Variants in ADCY8 observed in about 807,000 individuals in gnomAD.
ADCY8 encodes adenylate cyclase 8.
ADCY8 carries 51 observed loss-of-function variants against 119.7 expected under a neutral mutation model. The ratio of observed to expected loss-of-function variants is 0.43; its 90% CI spans 0.34 to 0.54. The LOEUF (loss-of-function observed/expected upper bound fraction) is 0.54. Ranked by LOEUF, ADCY8 falls within the 20% of genes least tolerant of loss-of-function variation. The probability of loss-of-function intolerance (pLI) is 0.03; values close to 1 mark genes in which losing one functional copy is unlikely to be tolerated. For synonymous variants in ADCY8, 665 were observed against 651.0 expected (o/e 1.02, Z -0.33); for missense variants, 1,383 against 1,598.8 (o/e 0.87, Z 2.30).
At chr8:130,901,752 C>T (rs1819610334) in intron 7 of ADCY8, among the ~76,000 whole-genome samples, 1 of 152,168 alleles carries the variant, frequency 6.6e-6, no homozygotes, top group Admixed American at 6.5e-5. Flanking sequence ...CATTCACTTG[C>T]TCTTCAGTCT....
At chr8:130,943,004 T>G (rs56158029) in intron 4 of ADCY8, among the ~76,000 whole-genome samples, 12,670 of 152,196 alleles carry the variant, frequency 0.083, 1,753 homozygotes, top group African/African-American at 0.29. Context: ...CTGCAGGCCA[T>G]CATTACTGCA....
intron 1 of ADCY8, among the ~76,000 whole-genome samples, chr8:131,005,778 T>A (rs994294979): frequency 6.6e-6 from 1 of 152,106 alleles, no homozygotes; most frequent in African/African-American, 2.4e-5. Flanking sequence ...GGTGATACCA[T>A]CCCTCCCCTT....
At chr8:131,011,705 G>T (rs1484687540) in intron 1 of ADCY8, among the ~76,000 whole-genome samples, 1 of 152,168 alleles carries the variant, frequency 6.6e-6, no homozygotes, top group African/African-American at 2.4e-5. Flanking sequence ...GTTCCTCCAG[G>T]TGTTGTGTCG....
At chr8:130,843,689 T>C (rs925345948) in intron 11 of ADCY8, among the ~76,000 whole-genome samples, 1 of 152,186 alleles carries the variant, frequency 6.6e-6, no homozygotes, top group Non-Finnish European at 1.5e-5. Flanking sequence ...ATTGGAAGAA[T>C]GCTTCCTTTC....
intron 7 of ADCY8, among the ~76,000 whole-genome samples, chr8:130,896,141 C>T (rs1470378361): frequency 6.6e-6 from 1 of 152,022 alleles, no homozygotes; most frequent in African/African-American, 2.4e-5. Context: ...ATCAATTTTC[C>T]CTCATCTACT....
chr8:130,937,155 A>G lies in ADCY8; in HGVS notation c.1399T>C (p.Cys467Arg). ...RIKILGDCYY[C>R]VSGLPEPRQD... Reference sequence around the variant, plus strand: ...CGGGGCTCAGGAAGTCCAGACACGCAGTAGTAGCAGTCCCCCAGGATTTTA... The same window carrying G: ...CGGGGCTCAGGAAGTCCAGACACGCGGTAGTAGCAGTCCCCCAGGATTTTA... Residue 467 changes from cysteine (C) to arginine (R), a missense_variant, in exon 5 of 18, where the codon TGC becomes CGC. By Grantham distance (180) the Cys-to-Arg change is radical (BLOSUM62 -3). Transcript: ENST00000286355. 1.2e-6 allele frequency: 2 copies of G among 1,613,848 alleles called. No homozygotes were observed. The highest frequency in any genetic ancestry group is 1.7e-6 in the Non-Finnish European group (2 of 1,179,860).
At position 130,948,938 on chromosome 8, in the gene ADCY8, C is replaced by T. The variant is rs370586965; in HGVS notation, c.1241+2930G>A. The stretch of plus-strand genomic sequence containing the variant: ...GCTGAGTTCATCTTCCCGAAACCCC[C>T]GGAGCCGCGGGCATCTCACCACGCT... On this transcript the variant is annotated intron_variant, in intron 3 of 17. Coordinates refer to ENST00000286355, the MANE Select transcript of ADCY8 (RefSeq NM_001115.3). Among the ~76,000 whole-genome samples, 13 of 152,120 alleles carry T rather than the reference C, an allele frequency of 8.5e-5. 1 individual carries two copies. The East Asian group carries it at 1.5e-3, about 18-fold the overall frequency.
chr8:131,023,236 C>T (rs964193726), intron 1 of ADCY8, among the ~76,000 whole-genome samples: 3 of 152,212 alleles, frequency 2.0e-5, no homozygotes, highest in African/African-American at 4.8e-5. Flanking sequence ...GCCTAAGCTA[C>T]TCTGAAACAA....
intron 7 of ADCY8, among the ~76,000 whole-genome samples, chr8:130,903,453 C>A (rs1819668246): frequency 7.7e-6 from 1 of 130,312 alleles, no homozygotes. Flanking sequence ...TTATTTTTTC[C>A]AACATGAGTG....
chr8:130,852,837 A>G (rs1817580268), intron 9 of ADCY8, among the ~76,000 whole-genome samples: 1 of 151,980 alleles, frequency 6.6e-6, no homozygotes, highest in South Asian at 2.1e-4. Flanking sequence ...GGCACTTAAC[A>G]TGGTGTGTCC....
At chr8:131,030,586 C>T (rs192604609) in intron 1 of ADCY8, among the ~76,000 whole-genome samples, 4 of 152,262 alleles carry the variant, frequency 2.6e-5, no homozygotes, top group African/African-American at 9.6e-5. Context: ...TGTGAACCTC[C>T]AGCCAAACCT....
chr8:130,874,950 A>G (rs1468105079), intron 8 of ADCY8, among the ~76,000 whole-genome samples: 1 of 152,056 alleles, frequency 6.6e-6, no homozygotes, highest in Non-Finnish European at 1.5e-5. Context: ...GATGATAATG[A>G]TGTCTACCCA....
chr8:130,956,677 C>G (rs751211392), intron 2 of ADCY8, among the ~76,000 whole-genome samples: 1 of 152,160 alleles, frequency 6.6e-6, no homozygotes, highest in Non-Finnish European at 1.5e-5. Flanking sequence ...AATTGTACTC[C>G]CATAATTCTC....
At chr8:131,003,621 T>TCCAACAGCAAC (rs111385550) in intron 1 of ADCY8, among the ~76,000 whole-genome samples, 10 of 151,520 alleles carry the variant, frequency 6.6e-5, no homozygotes, top group South Asian at 2.1e-4. Context: ...TTATGGACAG[T>TCCAACAGCAAC]CCTGCTTGGG....
chr8:130,941,214 T>A (rs894033418), intron 4 of ADCY8, among the ~76,000 whole-genome samples: 48 of 152,206 alleles, frequency 3.2e-4, no homozygotes, highest in Admixed American at 3.3e-4. Context: ...GGATGGCCTC[T>A]TCTCGTCAGA....
At chr8:130,841,962 G>T (rs1057402677) in intron 11 of ADCY8, among the ~76,000 whole-genome samples, 3 of 152,172 alleles carry the variant, frequency 2.0e-5, no homozygotes, top group Non-Finnish European at 2.9e-5. Flanking sequence ...AGCAAGGAGG[G>T]CATCATAAAC....
At chr8:130,824,927 T>C (rs534024707) in intron 12 of ADCY8, among the ~76,000 whole-genome samples, 3 of 152,344 alleles carry the variant, frequency 2.0e-5, no homozygotes, top group African/African-American at 7.2e-5. Flanking sequence ...AAATAGTCTT[T>C]CTGCATCCAT....
intron 7 of ADCY8, among the ~76,000 whole-genome samples, chr8:130,893,037 G>A (rs758035203): frequency 1.6e-4 from 25 of 152,106 alleles, no homozygotes; most frequent in Non-Finnish European, 3.5e-4. Context: ...TCTCATCTCA[G>A]TTTGGGAAAT....
rs139151271 is a variant in ADCY8, at chr8:130,953,058, C to A, written c.1111-1060G>T. On this transcript the variant is annotated intron_variant, in intron 2 of 17. Coordinates refer to ENST00000286355, the MANE Select transcript of ADCY8 (RefSeq NM_001115.3). ...GTTAACTAGCAACATGAATTAAATT[C>A]TAAAAAGTCTTTGTGTTGTGGAAAC... 7.2e-3 allele frequency among the ~76,000 whole-genome samples: 1,093 copies of A among 152,300 alleles called. 18 individuals carry two copies. Among genetic ancestry groups the A allele is most frequent in the African/African-American group, 0.024 (1,014 of 41,574 alleles).
Sources: allele counts gnomAD v4.1 joint callset (sites outside exome capture counted in the v4.1 genomes callset), GRCh38; gene constraint gnomAD v4.1.1; transcripts MANE v1.5; gene names NCBI Gene and HGNC (gene_info 2026-07-23, HGNC 2026-07-21).